The following STOML3 variants were observed in gnomAD, a reference collection of about 807,000 sequenced individuals.
STOML3 encodes stomatin like 3.
Under a neutral mutation model 29.5 loss-of-function variants are expected in STOML3, and 31 were observed. The ratio of observed to expected loss-of-function variants is 1.05; its 90% CI spans 0.79 to 1.42. STOML3 has a LOEUF of 1.42. STOML3 is among the 40% of genes most tolerant of loss of function. The pLI is 0.00. For synonymous variants in STOML3, 122 were observed against 139.8 expected (o/e 0.87, Z 0.90); for missense variants, 380 against 363.0 (o/e 1.05, Z -0.38).
chr13:38,972,729 T>A lies in STOML3; in HGVS notation c.230-135A>T, dbSNP rs190835129. 8.5e-6 allele frequency: 6 copies of A among 704,778 alleles called. No homozygotes were observed. In the East Asian group the frequency reaches 1.6e-4, roughly 19 times the overall value. The allele number at this position is 704,778 out of a possible 1,614,324, so 43.7% of individuals were successfully genotyped here. The stretch of plus-strand genomic sequence containing the variant: ...GATCCTCAATATGCACACATGAAAC[T>A]CTGAGGAAAATGATTTCATCCTCTA... On this transcript the variant is annotated intron_variant, in intron 3 of 6. Transcript: ENST00000379631.
At chr13:38,985,899 TTTCTTTTC>T (rs1868497850) in intron 1 of STOML3, among the ~76,000 whole-genome samples, 1 of 112,636 alleles carries the variant, frequency 8.9e-6, no homozygotes, top group African/African-American at 3.3e-5. Context: ...CTTTTTTTTT[TTTCTTTTC>T]TTTCTTTTTT....
At position 38,972,594 on chromosome 13, in the gene STOML3, C is replaced by A; in HGVS notation, c.230G>T (p.Gly77Val). 3.7e-6 allele frequency: 6 copies of A among 1,613,552 alleles called. No individual in the cohort carries two copies. Among genetic ancestry groups the A allele is most frequent in the Non-Finnish European group, 5.1e-6 (6 of 1,179,774 alleles). The change falls in exon 4 of 7, where the codon GGT becomes GTT. Residue 77 changes from glycine (G) to valine (V), a missense_variant and splice_region_variant. Gly to Val is a moderately radical substitution (Grantham distance 109). Transcript: ENST00000379631. ...RIQADKAKGP[G>V]LILVLPCIDV... ...TATGCATGGCAGGACCAGGATCAAA[C>A]CTATGAGAGAAAAAATCAGTTTAAA... is the stretch of plus-strand genomic sequence containing the variant.
chr13:38,982,187 CG>C (rs1468827320), intron 1 of STOML3, among the ~76,000 whole-genome samples: 2 of 151,866 alleles, frequency 1.3e-5, no homozygotes, highest in Non-Finnish European at 2.9e-5. Flanking sequence ...AAATTTTAGA[CG>C]GGCTTCTTCC....
At chr13:38,990,487 T>C (rs1252171212) in intron 1 of STOML3, among the ~76,000 whole-genome samples, 183 bp downstream of exon 1, 1 of 152,130 alleles carries the variant, frequency 6.6e-6, no homozygotes, top group Non-Finnish European at 1.5e-5. Context: ...AGTTATAGAC[T>C]GCCGTTCAAG....
intron 1 of STOML3, among the ~76,000 whole-genome samples, chr13:38,985,152 G>A (rs756729211): frequency 6.6e-6 from 1 of 152,088 alleles, no homozygotes; most frequent in Non-Finnish European, 1.5e-5. Context: ...GGCAGGGCAC[G>A]GTGGCTCATG....
At chr13:38,970,094 G>C in intron 5 of STOML3, 91 bp downstream of exon 5, 1 of 1,183,398 alleles carries the variant, frequency 8.5e-7, no homozygotes, top group Non-Finnish European at 1.2e-6. Context: ...GCATGTGGTG[G>C]GGGATGCTTT....
chr13:38,975,302 C>G (rs1243906190), intron 3 of STOML3, among the ~76,000 whole-genome samples: 1 of 145,120 alleles, frequency 6.9e-6, no homozygotes, highest in Non-Finnish European at 1.5e-5. Context: ...GCCTGGGCGA[C>G]AGAGCGAGAC....
In STOML3 at chr13:38,966,261, A is replaced by T. The variant is rs1004063205; in HGVS notation, c.*564T>A. The stretch of plus-strand genomic sequence containing the variant: ...AGCAAGAGACCTGGACTGTGAGCTC[A>T]TCGCAGTTTGCCTTGTGGCACGGGG... On this transcript the variant is annotated 3_prime_UTR_variant, in exon 7 of 7. Coordinates refer to ENST00000379631, the MANE Select transcript of STOML3 (RefSeq NM_145286.3). 1 of 152,542 alleles carries T rather than the reference A, an allele frequency of 6.6e-6. No homozygotes were observed. Among genetic ancestry groups the T allele is most frequent in the Non-Finnish European group, 1.5e-5 (1 of 68,294 alleles). The allele number at this position is 152,542 out of a possible 1,614,324, so 9.4% of individuals were successfully genotyped here.
intron 4 of STOML3, among the ~76,000 whole-genome samples, chr13:38,972,149 C>T (rs1157211614): frequency 6.6e-6 from 1 of 152,142 alleles, no homozygotes; most frequent in Non-Finnish European, 1.5e-5. Flanking sequence ...TTCCATCTGC[C>T]CTCTGTCAGA....
At chr13:38,970,743 T>C (rs947233266) in intron 4 of STOML3, among the ~76,000 whole-genome samples, 2 of 152,186 alleles carry the variant, frequency 1.3e-5, no homozygotes, top group African/African-American at 2.4e-5. Context: ...AGTAGAACAC[T>C]TGTTTCCCTG....
chr13:38,976,843 A>G, intron 1 of STOML3, 46 bp from the exon 2 acceptor site: 1 of 1,537,436 alleles, frequency 6.5e-7, no homozygotes, highest in Non-Finnish European at 8.9e-7. Flanking sequence ...GTGGTTATTA[A>G]AAAAGCCACC....
chr13:38,982,892 C>G (rs989742329), intron 1 of STOML3, among the ~76,000 whole-genome samples: 4 of 152,112 alleles, frequency 2.6e-5, no homozygotes, highest in Non-Finnish European at 5.9e-5. Context: ...AAATGCACAT[C>G]TAATTGTTCC....
At chr13:38,971,799 C>T (rs1464273007) in intron 4 of STOML3, among the ~76,000 whole-genome samples, 1 of 152,080 alleles carries the variant, frequency 6.6e-6, no homozygotes, top group Admixed American at 6.5e-5. Context: ...GTGACAGGCA[C>T]CTGTAATCCC....
chr13:38,989,989 C>G (rs983048735), intron 1 of STOML3, among the ~76,000 whole-genome samples: 2 of 151,954 alleles, frequency 1.3e-5, no homozygotes, highest in Non-Finnish European at 2.9e-5. Context: ...TTAAACTTTC[C>G]AATGCTCAGT....
intron 1 of STOML3, among the ~76,000 whole-genome samples, chr13:38,988,645 A>G (rs1396671638): frequency 7.5e-6 from 1 of 133,396 alleles, no homozygotes; most frequent in Admixed American, 8.8e-5. Flanking sequence ...TTTATATCAT[A>G]TATTTTATAT....
At chr13:38,987,391 G>T (rs536753954) in intron 1 of STOML3, among the ~76,000 whole-genome samples, 1 of 152,032 alleles carries the variant, frequency 6.6e-6, no homozygotes, top group East Asian at 1.9e-4. Context: ...AGCCATGGTG[G>T]CGCATGCCTG....
intron 1 of STOML3, among the ~76,000 whole-genome samples, chr13:38,985,489 TATC>T (rs1368598365): frequency 1.3e-5 from 2 of 152,180 alleles, no homozygotes; most frequent in Non-Finnish European, 2.9e-5. Context: ...TGCATCATCT[TATC>T]ATTCTTCTTT....
intron 6 of STOML3, among the ~76,000 whole-genome samples, chr13:38,967,680 C>T (rs1191150486): frequency 1.3e-5 from 2 of 152,136 alleles, no homozygotes; most frequent in Non-Finnish European, 2.9e-5. Flanking sequence ...CTATCATTGC[C>T]GAGTCCCTTC....
At chr13:38,988,546 TC>T (rs1868820711) in intron 1 of STOML3, among the ~76,000 whole-genome samples, 1 of 111,772 alleles carries the variant, frequency 8.9e-6, no homozygotes, top group Non-Finnish European at 1.7e-5. Flanking sequence ...ATATTTTATA[TC>T]ATATATTTTA....
Sources: gnomAD v4.1 joint callset for allele counts (sites outside exome capture counted in the v4.1 genomes callset) on GRCh38, gnomAD v4.1.1 for gene constraint, MANE v1.5 for transcripts, NCBI Gene and HGNC (gene_info 2026-07-23, HGNC 2026-07-21) for gene names.